The following IDNK variants were observed in gnomAD, a reference collection of about 807,000 sequenced individuals.
IDNK encodes gluconokinase.
A neutral mutation model predicts 13.0 loss-of-function variants in IDNK; 9 were observed. The observed-to-expected ratio is 0.69, with a 90% CI of 0.42 to 1.21. The LOEUF is 1.21. Among genes scored for constraint, IDNK ranks in the 50% most tolerant of loss-of-function variants. The probability of loss-of-function intolerance (pLI) is 0.00; values close to 1 mark genes in which losing one functional copy is unlikely to be tolerated. For missense variants in IDNK, 210 were observed against 237.8 expected (o/e 0.88, Z 0.77); for synonymous variants, 92 against 94.9 (o/e 0.97, Z 0.18).
chr9:83,626,868 C>T (rs912459669), intron 1 of IDNK: 5 of 1,089,560 alleles, frequency 4.6e-6, no homozygotes, highest in Non-Finnish European at 5.6e-6. Context: ...ACTGCTCTCG[C>T]AACCTTTGGT....
At chr9:83,623,385 G>A in intron 1 of IDNK, 164 bp downstream of exon 1, 3 of 663,538 alleles carry the variant, frequency 4.5e-6, no homozygotes, top group Admixed American at 3.1e-5. Flanking sequence ...CCCTCTCCCC[G>A]CCCTCCAGCC....
At chr9:83,623,779 C>T (rs1002422950) in intron 1 of IDNK, among the ~76,000 whole-genome samples, 1 of 152,194 alleles carries the variant, frequency 6.6e-6, no homozygotes, top group Non-Finnish European at 1.5e-5. Flanking sequence ...GAGGGTGGCT[C>T]CTGAGGGTTT....
At chr9:83,625,542 G>A (rs1830825493) in intron 1 of IDNK, among the ~76,000 whole-genome samples, 2 of 152,232 alleles carry the variant, frequency 1.3e-5, no homozygotes, top group South Asian at 4.1e-4. Context: ...CAGGGTCAGG[G>A]AGATGTGTCC....
intron 1 of IDNK, 45 bp downstream of exon 1, chr9:83,623,266 G>A (rs1830751205): frequency 2.9e-6 from 4 of 1,370,028 alleles, no homozygotes; most frequent in Non-Finnish European, 2.8e-6. Flanking sequence ...AAGTGTTGCG[G>A]GCGCGGCGGA....
Position 83,623,188 on chromosome 9 carries a change from C to T in IDNK, c.17C>T (p.Ala6Val), listed in dbSNP as rs1191182004. The change falls in exon 1 of 5, where the codon GCG becomes GTG. Residue 6 changes from alanine (A) to valine (V), a missense_variant. Transcript: ENST00000376419. MAAPG[A>V]LLVMGVSGSG... ...GCTTGGGTTATGGCGGCGCCGGGCG[C>T]GCTGCTGGTGATGGGCGTGAGCGGC... 3 of 1,413,136 alleles carry T rather than the reference C, an allele frequency of 2.1e-6. No homozygotes were observed. The highest frequency in any genetic ancestry group is 1.5e-5 in the African/African-American group (1 of 65,748). The allele number at this position is 1,413,136 out of a possible 1,614,324, so 87.5% of individuals were successfully genotyped here.
intron 3 of IDNK, among the ~76,000 whole-genome samples, chr9:83,634,236 A>T (rs188949657): frequency 2.0e-5 from 3 of 152,284 alleles, no homozygotes; most frequent in Admixed American, 6.5e-5. Flanking sequence ...TGTTTTTATG[A>T]CTGATGGACA....
intron 4 of IDNK, among the ~76,000 whole-genome samples, chr9:83,642,441 G>A (rs976296312): frequency 6.6e-6 from 1 of 151,730 alleles, no homozygotes; most frequent in Non-Finnish European, 1.5e-5. Context: ...GAAAATTTTT[G>A]CCTACCTGGG....
chr9:83,628,486 T>C (rs1442351515), intron 2 of IDNK, among the ~76,000 whole-genome samples: 3 of 152,048 alleles, frequency 2.0e-5, no homozygotes, highest in Non-Finnish European at 2.9e-5. Flanking sequence ...CCATCTCTAC[T>C]AAAAATACAA....
intron 2 of IDNK, 46 bp downstream of exon 2, chr9:83,628,257 T>G: frequency 6.8e-7 from 1 of 1,471,220 alleles, no homozygotes; most frequent in Non-Finnish European, 9.3e-7. Context: ...TCCCATTGTG[T>G]TCTGGTCTCC....
At chr9:83,640,447 A>T (rs1015883218) in intron 3 of IDNK, among the ~76,000 whole-genome samples, 1 of 152,190 alleles carries the variant, frequency 6.6e-6, no homozygotes, top group African/African-American at 2.4e-5. Flanking sequence ...AAAACACATC[A>T]TGTTTCTGGA....
At chr9:83,626,649 T>G in intron 1 of IDNK, 2 of 1,195,218 alleles carry the variant, frequency 1.7e-6, no homozygotes, top group African/African-American at 1.6e-5. Flanking sequence ...ACTCCTGGCC[T>G]CAAGTGATCC....
In IDNK at chr9:83,639,409, G is replaced by C. The variant is rs994332061; in HGVS notation, c.169-2139G>C. Among the ~76,000 whole-genome samples the C allele has an allele frequency of 7.8e-4, 119 of 152,136 alleles. 7 individuals carry two copies. The highest frequency in any genetic ancestry group is 1.2e-4 in the Non-Finnish European group (8 of 68,026). Reference sequence around the variant, plus strand: ...TTCAAGTAGAAAAAAATAAATGCAGGAAATAACAGAAATGAATGCTAGTGA... The same window carrying C: ...TTCAAGTAGAAAAAAATAAATGCAGCAAATAACAGAAATGAATGCTAGTGA... On this transcript the variant is annotated intron_variant, in intron 3 of 4. Coordinates refer to ENST00000376419, the MANE Select transcript of IDNK (RefSeq NM_001001551.4).
chr9:83,623,853 G>A (rs1390647563), intron 1 of IDNK, among the ~76,000 whole-genome samples: 1 of 152,204 alleles, frequency 6.6e-6, no homozygotes, highest in East Asian at 1.9e-4. Context: ...TGGAGACTGA[G>A]GAGTTAACAT....
intron 3 of IDNK, among the ~76,000 whole-genome samples, chr9:83,640,231 T>C (rs891354434): frequency 1.3e-5 from 2 of 152,168 alleles, no homozygotes; most frequent in African/African-American, 4.8e-5. Flanking sequence ...ATGAGTTTTA[T>C]CAAACATAAT....
chr9:83,642,115 C>T lies in IDNK; in HGVS notation c.212+524C>T, dbSNP rs1440678638. 3.3e-5 allele frequency among the ~76,000 whole-genome samples: 5 copies of T among 152,062 alleles called. No individual in the cohort carries two copies. In the East Asian group the frequency reaches 7.7e-4, roughly 23 times the overall value. On this transcript the variant is annotated intron_variant, in intron 4 of 4. Coordinates refer to ENST00000376419, the MANE Select transcript of IDNK (RefSeq NM_001001551.4). Reference sequence around the variant, plus strand: ...GTAATTAGCCACCAGGATTAGAGTCCACATTGCCCAGCTCTGCAGCATGCC... The same window carrying T: ...GTAATTAGCCACCAGGATTAGAGTCTACATTGCCCAGCTCTGCAGCATGCC...
At chr9:83,628,041 A>C (rs1830908360) in intron 1 of IDNK, 140 bp from the exon 2 acceptor site, 2 of 1,477,970 alleles carry the variant, frequency 1.4e-6, no homozygotes, top group Non-Finnish European at 1.8e-6. Flanking sequence ...GGTCACGGGC[A>C]TCACTGCTTT....
At chr9:83,629,065 A>T in intron 3 of IDNK, 106 bp downstream of exon 3, 1 of 861,448 alleles carries the variant, frequency 1.2e-6, no homozygotes, top group Middle Eastern at 2.2e-4. Context: ...AGGTCACTGT[A>T]CAGGGGCTAC....
At position 83,628,846 on chromosome 9, in the gene IDNK, A is replaced by C; in HGVS notation, c.82-27A>C. The C allele has an allele frequency of 2.6e-6, 4 of 1,553,898 alleles. No individual in the cohort carries two copies. The South Asian group carries it at 4.5e-5, about 17-fold the overall frequency. On this transcript the variant is annotated intron_variant, in intron 2 of 4. Coordinates refer to ENST00000376419, the MANE Select transcript of IDNK (RefSeq NM_001001551.4). Reference sequence around the variant, plus strand: ...TCACATTGGCCCATCTGCCTGCCACATACACCCTTTCACTTTGTTCTTAAA... The same window carrying C: ...TCACATTGGCCCATCTGCCTGCCACCTACACCCTTTCACTTTGTTCTTAAA...
chr9:83,641,234 C>A (rs1397472350), intron 3 of IDNK, among the ~76,000 whole-genome samples: 2 of 152,008 alleles, frequency 1.3e-5, no homozygotes, highest in East Asian at 3.9e-4. Context: ...AGAATACAGG[C>A]AGTACAATAA....
Sources: allele counts gnomAD v4.1 joint callset (sites outside exome capture counted in the v4.1 genomes callset), GRCh38; gene constraint gnomAD v4.1.1; transcripts MANE v1.5; gene names NCBI Gene and HGNC (gene_info 2026-07-23, HGNC 2026-07-21).